The following KCNN3 variants were observed in gnomAD, a reference collection of about 807,000 sequenced individuals.
KCNN3 encodes the protein potassium calcium-activated channel subfamily N member 3, also known as small conductance calcium-activated potassium channel protein 3.
In KCNN3, 16 loss-of-function variants were observed where a neutral mutation model predicts 62.9. The observed-to-expected ratio is 0.25, with a 90% CI of 0.17 to 0.39. The LOEUF (loss-of-function observed/expected upper bound fraction) is 0.39, where lower values mean the gene tolerates loss of function less well. KCNN3 is among the 10% of genes least tolerant of loss of function. KCNN3 has a pLI of 1.00. For synonymous variants in KCNN3, 370 were observed against 389.2 expected (o/e 0.95, Z 0.58); for missense variants, 599 against 949.4 (o/e 0.63, Z 4.85).
chr1:154,746,265 C>T (rs757919579), intron 3 of KCNN3, among the ~76,000 whole-genome samples: 6 of 152,108 alleles, frequency 3.9e-5, no homozygotes, highest in Non-Finnish European at 8.8e-5. Context: ...CAAGTGATGC[C>T]AAGTTGGGGC....
At chr1:154,858,553 C>T (rs1322124360) in intron 1 of KCNN3, among the ~76,000 whole-genome samples, 1 of 152,186 alleles carries the variant, frequency 6.6e-6, no homozygotes, top group Non-Finnish European at 1.5e-5. Flanking sequence ...GTCTGTAAGG[C>T]ACAGATTCTC....
intron 1 of KCNN3, among the ~76,000 whole-genome samples, chr1:154,852,375 T>G: frequency 6.6e-6 from 1 of 151,336 alleles, no homozygotes. Flanking sequence ...GCTAATTTTT[T>G]TTTTTTTTTT....
At chr1:154,807,737 A>G (rs1378125631) in intron 2 of KCNN3, among the ~76,000 whole-genome samples, 1 of 152,192 alleles carries the variant, frequency 6.6e-6, no homozygotes, top group Non-Finnish European at 1.5e-5. Context: ...AACATCCAAA[A>G]AGATCCGACA....
chr1:154,743,132 C>T (rs1571230217), intron 3 of KCNN3, among the ~76,000 whole-genome samples: 1 of 151,700 alleles, frequency 6.6e-6, no homozygotes, highest in Non-Finnish European at 1.5e-5. Flanking sequence ...CTTGTCCAGC[C>T]CCACCCTCTC....
At chr1:154,849,970 T>C (rs1043695772) in intron 1 of KCNN3, among the ~76,000 whole-genome samples, 1 of 152,198 alleles carries the variant, frequency 6.6e-6, no homozygotes, top group African/African-American at 2.4e-5. Flanking sequence ...AGCTCTGATC[T>C]AAAGGCACAG....
At chr1:154,823,241 A>T (rs987786066) in intron 1 of KCNN3, among the ~76,000 whole-genome samples, 1 of 152,170 alleles carries the variant, frequency 6.6e-6, no homozygotes, top group Admixed American at 6.5e-5. Context: ...GTTCCAAAGG[A>T]AGGCGGGAAC....
chr1:154,845,448 G>C (rs1652015209), intron 1 of KCNN3, among the ~76,000 whole-genome samples: 1 of 152,172 alleles, frequency 6.6e-6, no homozygotes, highest in African/African-American at 2.4e-5. Context: ...CCTGCATTTG[G>C]GAGCAGATCA....
chr1:154,868,780 A>G (rs1653050107), intron 1 of KCNN3, among the ~76,000 whole-genome samples: 1 of 151,380 alleles, frequency 6.6e-6, no homozygotes, highest in Non-Finnish European at 1.5e-5. Flanking sequence ...GAAGCTAGGA[A>G]TGAATTCTCC....
chr1:154,709,344 G>C (rs540136885), intron 7 of KCNN3, among the ~76,000 whole-genome samples: 1 of 152,094 alleles, frequency 6.6e-6, no homozygotes, highest in East Asian at 1.9e-4. Flanking sequence ...GGGCCAGGCC[G>C]GTGGTTGCTT....
At chr1:154,855,283 GA>G (rs1342442621) in intron 1 of KCNN3, among the ~76,000 whole-genome samples, 4 of 151,886 alleles carry the variant, frequency 2.6e-5, no homozygotes, top group Non-Finnish European at 4.4e-5. Flanking sequence ...TGTTATTGAA[GA>G]AAAAAATATT....
chr1:154,736,902 G>A, intron 3 of KCNN3: 1 of 642,674 alleles, frequency 1.6e-6, no homozygotes, highest in Non-Finnish European at 2.9e-6. Context: ...AAGATCTTGA[G>A]AGTGTCCTTC....
At chr1:154,714,621 G>GTGTGTGTA (rs1700194839) in intron 6 of KCNN3, among the ~76,000 whole-genome samples, 1 of 126,640 alleles carries the variant, frequency 7.9e-6, no homozygotes, top group African/African-American at 3.0e-5. Flanking sequence ...TGGTGTGTGT[G>GTGTGTGTA]TGTGTGTGTG....
chr1:154,822,734 G>A (rs954880112), intron 1 of KCNN3, among the ~76,000 whole-genome samples: 10 of 152,220 alleles, frequency 6.6e-5, no homozygotes, highest in Admixed American at 2.6e-4. Flanking sequence ...AGGCAGGGAC[G>A]GCAGAGGAGC....
chr1:154,868,440 C>T (rs1002403280), intron 1 of KCNN3: 1 of 786,170 alleles, frequency 1.3e-6, no homozygotes, highest in African/African-American at 1.9e-5. Flanking sequence ...AGGAGGGAAA[C>T]AGAAACTTGG....
At chr1:154,721,982 A>G (rs867111855) in intron 5 of KCNN3, among the ~76,000 whole-genome samples, 4 of 152,080 alleles carry the variant, frequency 2.6e-5, no homozygotes, top group Middle Eastern at 3.4e-3. Flanking sequence ...ACCAGAGTTG[A>G]TAAGTCATAC....
At chr1:154,854,869 C>T (rs748023877) in intron 1 of KCNN3, among the ~76,000 whole-genome samples, 2 of 152,110 alleles carry the variant, frequency 1.3e-5, no homozygotes, top group Non-Finnish European at 2.9e-5. Flanking sequence ...AAAATACTTT[C>T]GTGCAATTGT....
chr1:154,738,383 A>G (rs974327154), intron 3 of KCNN3, among the ~76,000 whole-genome samples: 17 of 152,258 alleles, frequency 1.1e-4, no homozygotes, highest in African/African-American at 4.1e-4. Flanking sequence ...ACCAGAGACC[A>G]GAAATCTGAA....
At chr1:154,826,305 C>T (rs948689263) in intron 1 of KCNN3, among the ~76,000 whole-genome samples, 24 of 152,162 alleles carry the variant, frequency 1.6e-4, no homozygotes, top group African/African-American at 5.6e-4. Flanking sequence ...TGCTCCAGGC[C>T]ACGAGCCAGC....
rs751832980 is a variant in KCNN3, at chr1:154,869,680, G to C, written c.285C>G (p.Pro95=). 1.3e-6 allele frequency: 2 copies of C among 1,598,020 alleles called. No individual in the cohort carries two copies. The highest frequency in any genetic ancestry group is 1.7e-6 in the Non-Finnish European group (2 of 1,172,280). Residue 95 remains proline, a synonymous_variant, in exon 1 of 8, where the codon CCC becomes CCG. Transcript: ENST00000271915. This position sits in a 1 kb window ranked among gnomAD's most constrained non-coding sequence, Gnocchi z 6.1. ...AGGAGTGCAGCAGGCCAGGGTGGAC[G>C]GGCTGGCTCTGGAGTTGGGCGAGCT... ...LSQLAQLQSQ[P]VHPGLLHSSP...
Sources: allele counts gnomAD v4.1 joint callset (sites outside exome capture counted in the v4.1 genomes callset), GRCh38; gene constraint gnomAD v4.1.1; non-coding constraint Gnocchi (gnomAD v3.1); transcripts MANE v1.5; gene names NCBI Gene and HGNC (gene_info 2026-07-23, HGNC 2026-07-21).